MTUS2: variants seen among roughly 807,000 people sequenced by gnomAD.
MTUS2 encodes the protein microtubule-associated tumor suppressor candidate 2.
A neutral mutation model predicts 114.1 loss-of-function variants in MTUS2; 40 were observed. The ratio of observed to expected loss-of-function variants is 0.35; its 90% confidence interval spans 0.27 to 0.46. The LOEUF (loss-of-function observed/expected upper bound fraction) is 0.46. MTUS2 is among the 20% of genes least tolerant of loss of function. The pLI is 1.00. For synonymous variants in MTUS2, 688 were observed against 672.0 expected, an observed-to-expected ratio of 1.02 and a Z score of -0.37; for missense variants, 1,679 against 1,705.4, an observed-to-expected ratio of 0.98 and a Z score of 0.27.
At chr13:28,831,299 TAC>T (rs1431071058) in intron 1 of MTUS2, among the ~76,000 whole-genome samples, 1 of 152,186 alleles carries the variant, frequency 6.6e-6, no homozygotes, top group Non-Finnish European at 1.5e-5. Flanking sequence ...TTTTAGTTTT[TAC>T]ATTAAATATA....
At chr13:29,367,488 C>T (rs544246553) in intron 8 of MTUS2, among the ~76,000 whole-genome samples, 3 of 152,232 alleles carry the variant, frequency 2.0e-5, no homozygotes, top group Non-Finnish European at 4.4e-5. Flanking sequence ...GCAGCTGCAG[C>T]GCTGTGTTTT....
chr13:29,025,804 A>G lies in MTUS2; in HGVS notation c.1106A>G (p.His369Arg). The change falls in exon 3 of 16, where the codon CAC (histidine) becomes CGC (arginine). Residue 369 changes from histidine to arginine, a missense_variant. Physicochemically the swap from His to Arg is conservative, Grantham distance 29. Around this residue, in one of 3 missense-constraint regions of MTUS2, gnomAD observed 843 missense variants for 770.8 expected, o/e 1.09. Coordinates refer to ENST00000612955, the MANE Select transcript of MTUS2 (RefSeq NM_001033602.4). ...GGCCATCTGCTGAACAGTGACCTCC[A>G]CCACCTTGGGGTGGGAAGAGGCAAC... ...ALGHLLNSDL[H>R]HLGVGRGNCE... is the part of the protein sequence containing the mutation. The G allele has an allele frequency of 6.2e-7, 1 of 1,613,896 alleles. No individual in the cohort carries two copies. The highest frequency in any genetic ancestry group is 8.5e-7 in the Non-Finnish European group (1 of 1,179,868).
intron 2 of MTUS2, among the ~76,000 whole-genome samples, chr13:29,000,352 T>C (rs1311783544): frequency 4.6e-5 from 7 of 152,124 alleles, no homozygotes. Flanking sequence ...TGGTTGACAG[T>C]GTTTTTTCCT....
At chr13:29,094,456 G>A (rs1251699358) in intron 4 of MTUS2, among the ~76,000 whole-genome samples, 1 of 151,662 alleles carries the variant, frequency 6.6e-6, no homozygotes, top group African/African-American at 2.4e-5. Context: ...ATTTCACTAG[G>A]TTGTCTAATT....
intron 8 of MTUS2, among the ~76,000 whole-genome samples, chr13:29,364,782 T>C (rs1593353421): frequency 1.3e-5 from 2 of 152,220 alleles, no homozygotes; most frequent in African/African-American, 2.4e-5. Flanking sequence ...GCAGTAATTA[T>C]ACCTTATCAG....
At chr13:29,350,513 C>A (rs1471239107) in intron 7 of MTUS2, among the ~76,000 whole-genome samples, 1 of 151,470 alleles carries the variant, frequency 6.6e-6, no homozygotes, top group Non-Finnish European at 1.5e-5. Flanking sequence ...TGGAGAAAAC[C>A]CTGCTTTTAG....
intron 5 of MTUS2, among the ~76,000 whole-genome samples, chr13:29,262,186 C>T (rs528292591): frequency 4.6e-5 from 7 of 151,376 alleles, no homozygotes; most frequent in East Asian, 3.9e-4. Context: ...TTGCCTTCTT[C>T]GTTAAGCAGC....
intron 1 of MTUS2, among the ~76,000 whole-genome samples, chr13:28,837,181 C>A (rs1364401096): frequency 6.6e-6 from 1 of 152,228 alleles, no homozygotes; most frequent in African/African-American, 2.4e-5. Context: ...GGAAAGCTTT[C>A]AAGAATATAA....
At chr13:28,873,361 G>T (rs1219969925) in intron 2 of MTUS2, among the ~76,000 whole-genome samples, 1 of 152,148 alleles carries the variant, frequency 6.6e-6, no homozygotes, top group African/African-American at 2.4e-5. Context: ...AAGCACAAAT[G>T]CCACTTCCCT....
chr13:28,948,753 C>T (rs1882661627), intron 2 of MTUS2, among the ~76,000 whole-genome samples: 2 of 152,224 alleles, frequency 1.3e-5, no homozygotes, highest in South Asian at 2.1e-4. Context: ...TGTGTGGCAG[C>T]AGGGGAACAG....
intron 5 of MTUS2, among the ~76,000 whole-genome samples, chr13:29,205,386 T>C (rs868802075): frequency 6.6e-6 from 1 of 151,908 alleles, no homozygotes; most frequent in African/African-American, 2.4e-5. Context: ...ATTAATGTCA[T>C]TTCTCTCTTT....
intron 5 of MTUS2, among the ~76,000 whole-genome samples, chr13:29,220,293 A>G (rs1353072154): frequency 6.6e-6 from 1 of 152,112 alleles, no homozygotes; most frequent in Non-Finnish European, 1.5e-5. Context: ...GAGCCACTGC[A>G]CCTGGCCCTG....
intron 5 of MTUS2, among the ~76,000 whole-genome samples, chr13:29,135,560 G>A (rs912117560): frequency 6.6e-6 from 1 of 152,002 alleles, no homozygotes; most frequent in Admixed American, 6.6e-5. Context: ...ACTGAGTTCT[G>A]CCATTTTGTT....
intron 7 of MTUS2, among the ~76,000 whole-genome samples, chr13:29,350,983 A>ATATATATATATATATATATATATC: frequency 1.4e-5 from 2 of 143,354 alleles, no homozygotes; most frequent in Non-Finnish European, 3.0e-5. Context: ...ATATATATAT[A>ATATATATATATATATATATATATC]TCTTCAGAGG....
At chr13:29,238,493 G>A (rs570666656) in intron 5 of MTUS2, among the ~76,000 whole-genome samples, 2 of 152,216 alleles carry the variant, frequency 1.3e-5, no homozygotes, top group Non-Finnish European at 2.9e-5. Context: ...AACCACTGAT[G>A]TAAGTCCAAC....
chr13:29,365,134 T>C (rs1289028822), intron 8 of MTUS2, among the ~76,000 whole-genome samples: 1 of 152,222 alleles, frequency 6.6e-6, no homozygotes, highest in Non-Finnish European at 1.5e-5. Context: ...TGTATGCTTT[T>C]ACTCATAGGA....
intron 9 of MTUS2, among the ~76,000 whole-genome samples, chr13:29,442,918 T>G (rs1188396121): frequency 6.6e-6 from 1 of 152,236 alleles, no homozygotes; most frequent in Non-Finnish European, 1.5e-5. Flanking sequence ...TCCTCCTCTT[T>G]TAGCAAGATA....
chr13:29,419,014 C>G lies in MTUS2; in HGVS notation c.3118-20969C>G, dbSNP rs563440846. Reference sequence around the variant, plus strand: ...TGAAGCTGCAACATTAAATCAGAATCTCTGTTTAGTGAGCCCAGATCAGTA... The same window carrying G: ...TGAAGCTGCAACATTAAATCAGAATGTCTGTTTAGTGAGCCCAGATCAGTA... On this transcript the variant is annotated intron_variant, in intron 8 of 15. Transcript: ENST00000612955. Among the ~76,000 whole-genome samples the G allele has an allele frequency of 9.2e-5, 14 of 152,340 alleles. No homozygotes were observed. The East Asian group carries it at 2.7e-3, about 29-fold the overall frequency.
intron 5 of MTUS2, among the ~76,000 whole-genome samples, chr13:29,244,779 A>T (rs1896851338): frequency 6.7e-6 from 1 of 150,170 alleles, no homozygotes; most frequent in South Asian, 2.2e-4. Flanking sequence ...AAACGGTGAA[A>T]CCCCGTCTCT....
Sources: allele counts gnomAD v4.1 joint callset (sites outside exome capture counted in the v4.1 genomes callset), GRCh38; gene constraint gnomAD v4.1.1; regional missense constraint gnomAD v4.1.1; transcripts MANE v1.5; gene names NCBI Gene and HGNC (gene_info 2026-07-23, HGNC 2026-07-21).